The following SDHC variants were observed in gnomAD, a reference collection of about 807,000 sequenced individuals.
SDHC encodes succinate dehydrogenase complex subunit C, also known as succinate dehydrogenase cytochrome b560 subunit, mitochondrial.
In SDHC, 11 loss-of-function variants were observed where a neutral mutation model predicts 22.6. The observed-to-expected ratio is 0.49, with a 90% CI of 0.31 to 0.81. SDHC has a LOEUF of 0.81. Ranked by LOEUF, SDHC falls within the 30% of genes least tolerant of loss-of-function variation. The pLI, the probability that SDHC is intolerant of heterozygous loss-of-function variation, is 0.05. For synonymous variants in SDHC, 80 were observed against 77.8 expected (o/e 1.03, Z -0.15); for missense variants, 160 against 212.0 (o/e 0.75, Z 1.52).
intron 4 of SDHC, among the ~76,000 whole-genome samples, chr1:161,352,854 G>A (rs1018172921): frequency 1.3e-5 from 2 of 152,146 alleles, no homozygotes; most frequent in Admixed American, 6.5e-5. Context: ...GCACACACCC[G>A]TAGTCCCAGC....
intron 1 of SDHC, among the ~76,000 whole-genome samples, chr1:161,321,470 A>G (rs1403205972): frequency 5.9e-5 from 9 of 152,216 alleles, no homozygotes; most frequent in Admixed American, 1.3e-4. Flanking sequence ...ATAGATTCCA[A>G]CCCACATCTG....
chr1:161,362,398 A>T lies in SDHC; in HGVS notation c.475A>T (p.Thr159Ser). 1 of 1,612,176 alleles carries T rather than the reference A, an allele frequency of 6.2e-7. No homozygotes were observed. Among genetic ancestry groups the T allele is most frequent in the Non-Finnish European group, 8.5e-7 (1 of 1,179,604 alleles). ...GTCTGGAGTGGTTGTCCTGGTTCTT[A>T]CTGTGTTGTCCTCTATGGGGCTGGC... Reference protein sequence around the residue: ...YQSGVVVLVLTVLSSMGLAAM With the variant: ...YQSGVVVLVLSVLSSMGLAAM Residue 159 changes from threonine (T) to serine (S), a missense_variant, in exon 6 of 6, where the codon ACT (threonine) becomes TCT (serine). This residue lies in a region of SDHC where 74 missense variants were observed against 128.6 expected (regional missense o/e 0.58). Coordinates refer to ENST00000367975, the MANE Select transcript of SDHC (RefSeq NM_003001.5).
At chr1:161,354,896 G>T (rs1324088995) in intron 4 of SDHC, among the ~76,000 whole-genome samples, 1 of 151,916 alleles carries the variant, frequency 6.6e-6, no homozygotes, top group Non-Finnish European at 1.5e-5. Context: ...TTTTAGTAGA[G>T]ATGGGGTTTC....
In SDHC at chr1:161,316,564, C is replaced by T. The variant is rs371617264; in HGVS notation, c.20+2139C>T. Among the ~76,000 whole-genome samples the T allele has an allele frequency of 3.3e-5, 5 of 152,290 alleles. No homozygotes were observed. In the East Asian group the frequency reaches 5.8e-4, roughly 18 times the overall value. ...GAGTCTCTTATGTCTGCTTTCTATA[C>T]GGACACCTTAACAATCTGATCTCTC... On this transcript the variant is annotated intron_variant, in intron 1 of 5. Coordinates refer to ENST00000367975, the MANE Select transcript of SDHC (RefSeq NM_003001.5).
chr1:161,349,213 C>T (rs1437984731), intron 4 of SDHC, among the ~76,000 whole-genome samples: 7 of 152,020 alleles, frequency 4.6e-5, no homozygotes, highest in Non-Finnish European at 1.0e-4. Context: ...TTGTAAACCC[C>T]GCACTTTGAG....
chr1:161,345,677 C>T (rs1348076805), intron 4 of SDHC, among the ~76,000 whole-genome samples: 5 of 152,230 alleles, frequency 3.3e-5, no homozygotes, highest in Admixed American at 1.3e-4. Context: ...AGGATGGTCT[C>T]GATCTCCTGA....
rs1350102190 is a variant in SDHC, at chr1:161,362,812, G to A, written c.*379G>A. On this transcript the variant is annotated 3_prime_UTR_variant, in exon 6 of 6. Transcript: ENST00000367975. ...GTGGCTTCTGCCCTGGGGATGGGCCGGGTTGGGGGGTGGGTTGGTGAGGCT... is the reference window on the plus strand; with the variant it reads ...GTGGCTTCTGCCCTGGGGATGGGCCAGGTTGGGGGGTGGGTTGGTGAGGCT... 4 of 519,634 alleles carry A rather than the reference G, an allele frequency of 7.7e-6. No homozygotes were observed. The highest frequency in any genetic ancestry group is 3.5e-5 in the East Asian group (1 of 28,316). The allele number at this position is 519,634 out of a possible 1,614,324, so 32.2% of individuals were successfully genotyped here.
chr1:161,356,484 A>T (rs80246038), intron 4 of SDHC, among the ~76,000 whole-genome samples, 193 bp from the exon 5 acceptor site: 1 of 152,110 alleles, frequency 6.6e-6, no homozygotes, highest in South Asian at 2.1e-4. Context: ...GGTTGCAGTG[A>T]GCCAAGATTG....
chr1:161,362,198 A>G (rs1376021694), intron 5 of SDHC, 131 bp from the exon 6 acceptor site: 98 of 1,072,034 alleles, frequency 9.1e-5, no homozygotes, highest in Non-Finnish European at 1.3e-4. Flanking sequence ...GCATAAGGGT[A>G]GAAGCGCTTT....
chr1:161,315,483 T>C (rs1389929837), intron 1 of SDHC, among the ~76,000 whole-genome samples: 1 of 152,260 alleles, frequency 6.6e-6, no homozygotes, highest in East Asian at 1.9e-4. Flanking sequence ...CTGTCTTCTT[T>C]ATTCCAGATG....
chr1:161,356,898 G>A, intron 5 of SDHC, 58 bp downstream of exon 5: 1 of 1,537,100 alleles, frequency 6.5e-7, no homozygotes, highest in Non-Finnish European at 9.0e-7. Context: ...AGACTGGGAG[G>A]ATTCTTTCCT....
At chr1:161,335,862 G>A (rs189570718) in intron 3 of SDHC, among the ~76,000 whole-genome samples, 2 of 152,184 alleles carry the variant, frequency 1.3e-5, no homozygotes, top group East Asian at 3.9e-4. Flanking sequence ...ATCTTCAGAA[G>A]TGGCATTGAT....
intron 2 of SDHC, among the ~76,000 whole-genome samples, chr1:161,324,206 G>T (rs1298050315): frequency 6.6e-6 from 1 of 152,158 alleles, no homozygotes; most frequent in Non-Finnish European, 1.5e-5. Flanking sequence ...GGTATGATCA[G>T]GGCTTGCCGT....
intron 3 of SDHC, among the ~76,000 whole-genome samples, chr1:161,329,809 A>G (rs866898859): frequency 4.6e-5 from 7 of 152,138 alleles, no homozygotes; most frequent in Admixed American, 1.3e-4. Flanking sequence ...GCCTTTTCCA[A>G]CTTTTATAGG....
chr1:161,347,763 G>A (rs1671952165), intron 4 of SDHC, among the ~76,000 whole-genome samples: 1 of 152,054 alleles, frequency 6.6e-6, no homozygotes, highest in Admixed American at 6.5e-5. Flanking sequence ...ATACTTGGGA[G>A]GCTGAGGCAG....
intron 2 of SDHC, among the ~76,000 whole-genome samples, chr1:161,327,703 A>G (rs1671112966): frequency 6.6e-6 from 1 of 151,830 alleles, no homozygotes; most frequent in African/African-American, 2.4e-5. Flanking sequence ...GTGGGATTAC[A>G]GTCGTGCGCC....
At chr1:161,350,341 A>G (rs1362978519) in intron 4 of SDHC, among the ~76,000 whole-genome samples, 4 of 152,222 alleles carry the variant, frequency 2.6e-5, no homozygotes, top group Admixed American at 6.5e-5. Flanking sequence ...GTGAGCCACC[A>G]TGCTCAGCCT....
chr1:161,361,112 C>G (rs1672493131), intron 5 of SDHC, among the ~76,000 whole-genome samples: 1 of 152,088 alleles, frequency 6.6e-6, no homozygotes, highest in Non-Finnish European at 1.5e-5. Flanking sequence ...CCCGTAATGC[C>G]AGCTTTTAGG....
chr1:161,336,720 G>A (rs1046906754), intron 3 of SDHC, among the ~76,000 whole-genome samples: 1 of 152,124 alleles, frequency 6.6e-6, no homozygotes, highest in Non-Finnish European at 1.5e-5. Context: ...GATACCTGAA[G>A]TCATATTTTC....
Sources: gnomAD v4.1 joint callset for allele counts (sites outside exome capture counted in the v4.1 genomes callset) on GRCh38, gnomAD v4.1.1 for gene constraint, gnomAD v4.1.1 regional missense constraint, MANE v1.5 for transcripts, NCBI Gene and HGNC (gene_info 2026-07-23, HGNC 2026-07-21) for gene names.